Variants in RIMS2 observed in about 807,000 individuals in gnomAD.
RIMS2 encodes the protein regulating synaptic membrane exocytosis 2, also known as regulating synaptic membrane exocytosis protein 2.
RIMS2 carries 59 observed loss-of-function variants against 174.4 expected under a neutral mutation model. The ratio of observed to expected loss-of-function variants is 0.34; its 90% CI spans 0.27 to 0.42. The LOEUF (loss-of-function observed/expected upper bound fraction) is 0.42. Among genes scored for constraint, RIMS2 ranks in the 10% least tolerant of loss-of-function variants. The pLI is 1.00. For missense variants in RIMS2, 1,620 were observed against 1,666.3 expected, an observed-to-expected ratio of 0.97 and a Z score of 0.48; for synonymous variants, 606 against 572.5, an observed-to-expected ratio of 1.06 and a Z score of -0.84.
chr8:103,654,997 G>A (rs1343430514), intron 1 of RIMS2, among the ~76,000 whole-genome samples: 2 of 151,782 alleles, frequency 1.3e-5, no homozygotes, highest in Non-Finnish European at 2.9e-5. Context: ...ATCTAATGAT[G>A]ATGTAGGCTT....
At chr8:103,739,616 A>G (rs897935528) in intron 2 of RIMS2, among the ~76,000 whole-genome samples, 1 of 152,226 alleles carries the variant, frequency 6.6e-6, no homozygotes, top group Admixed American at 6.5e-5. Context: ...ACTGGCTGCA[A>G]CAGACCTGGT....
intron 19 of RIMS2, among the ~76,000 whole-genome samples, chr8:104,230,462 A>C (rs1402763699): frequency 6.6e-6 from 1 of 151,866 alleles, no homozygotes; most frequent in Non-Finnish European, 1.5e-5. Context: ...CATGGGCAAC[A>C]TGGTGAAATC....
chr8:103,624,383 G>C (rs2134850112), intron 1 of RIMS2, among the ~76,000 whole-genome samples: 1 of 152,266 alleles, frequency 6.6e-6, no homozygotes, highest in Admixed American at 6.5e-5. Flanking sequence ...ACTGAGATCT[G>C]TACCATCAGC....
intron 10 of RIMS2, among the ~76,000 whole-genome samples, chr8:103,926,891 G>T (rs1432045807): frequency 1.3e-5 from 2 of 151,462 alleles, no homozygotes; most frequent in Admixed American, 6.6e-5. Context: ...AAAGAAATTT[G>T]ATTTGATTCT....
rs138347216 is a variant in RIMS2 at position 103,852,650 on chromosome 8, A to G, written c.699-32648A>G. On this transcript the variant is annotated intron_variant, in intron 3 of 23. Transcript: ENST00000504942. ...TTAGCCCCCACTTGTAAGTAAGACC[A>G]TATGGTATATGGTTTTCTGTTCCTG... is the stretch of plus-strand genomic sequence containing the variant. Among the ~76,000 whole-genome samples, 1,479 of 152,050 alleles carry G rather than the reference A, an allele frequency of 9.7e-3. 5 individuals are homozygous for G. Among genetic ancestry groups the G allele is most frequent in the Non-Finnish European group, 0.015 (1,000 of 67,928 alleles).
intron 1 of RIMS2, among the ~76,000 whole-genome samples, chr8:103,550,108 A>C (rs534810995): frequency 2.0e-5 from 3 of 152,330 alleles, no homozygotes; most frequent in African/African-American, 7.2e-5. Context: ...AAGCAGACCT[A>C]ATAGACATCT....
intron 19 of RIMS2, among the ~76,000 whole-genome samples, chr8:104,144,288 T>A (rs960225836): frequency 3.9e-5 from 6 of 152,186 alleles, no homozygotes; most frequent in Admixed American, 1.3e-4. Flanking sequence ...AAGCCAAAAA[T>A]TAGAAATATG....
chr8:104,190,796 G>A (rs1355819353), intron 19 of RIMS2, among the ~76,000 whole-genome samples: 1 of 152,000 alleles, frequency 6.6e-6, no homozygotes, highest in Non-Finnish European at 1.5e-5. Context: ...ATAATTTCAA[G>A]CCTTCAAAAA....
At chr8:104,124,169 A>T (rs892119924) in intron 19 of RIMS2, among the ~76,000 whole-genome samples, 16 of 152,266 alleles carry the variant, frequency 1.1e-4, no homozygotes, top group African/African-American at 3.8e-4. Flanking sequence ...GTGTATGGTA[A>T]TCAGAATGAC....
At chr8:103,910,237 TATC>T (rs766891247) in intron 5 of RIMS2, 81 bp from the exon 8 acceptor site, 1 of 1,544,162 alleles carries the variant, frequency 6.5e-7, no homozygotes, top group Admixed American at 1.9e-5. Flanking sequence ...TAATTTTCGT[TATC>T]ATTTCACTTT....
At chr8:103,794,850 G>T (rs1267845430) in intron 3 of RIMS2, among the ~76,000 whole-genome samples, 2 of 152,168 alleles carry the variant, frequency 1.3e-5, no homozygotes, top group African/African-American at 4.8e-5. Flanking sequence ...ATCATCACTG[G>T]CCATCAGAGA....
intron 3 of RIMS2, among the ~76,000 whole-genome samples, chr8:103,799,563 T>A (rs10955328): frequency 2.8e-4 from 42 of 152,178 alleles, no homozygotes; most frequent in African/African-American, 9.4e-4. Flanking sequence ...CAGTCCATAC[T>A]TCTACTTGTA....
intron 3 of RIMS2, among the ~76,000 whole-genome samples, chr8:103,834,746 C>CTTTCTTTCTT (rs1564830911): frequency 7.8e-5 from 6 of 77,244 alleles, no homozygotes; most frequent in Admixed American, 2.4e-4. Flanking sequence ...CTTTCTTTCT[C>CTTTCTTTCTT]TCTCTTTCTT....
chr8:104,153,600 A>G lies in RIMS2; in HGVS notation c.3335-91316A>G, dbSNP rs1337975793. On this transcript the variant is annotated intron_variant, in intron 19 of 23. Transcript: ENST00000504942. The stretch of plus-strand genomic sequence containing the variant: ...AAGTGCATAGATGAATTCAGAGCCC[A>G]GTAGATCAAAGCTAAGGATGTAATT... 2.0e-5 allele frequency among the ~76,000 whole-genome samples: 3 copies of G among 152,146 alleles called. No individual in the cohort carries two copies. In the South Asian group the frequency reaches 6.2e-4, roughly 32 times the overall value.
At chr8:104,103,151 T>A in intron 19 of RIMS2, among the ~76,000 whole-genome samples, 1 of 152,212 alleles carries the variant, frequency 6.6e-6, no homozygotes, top group Middle Eastern at 3.4e-3. Context: ...TATATTGTAT[T>A]ATTTCATTTA....
At chr8:104,248,467 C>T (rs969611514) in intron 20 of RIMS2, among the ~76,000 whole-genome samples, 6 of 152,184 alleles carry the variant, frequency 3.9e-5, no homozygotes, top group African/African-American at 1.4e-4. Flanking sequence ...GAGAAAGACT[C>T]ACCAGCAGAA....
At chr8:103,794,108 A>G (rs903375665) in intron 3 of RIMS2, among the ~76,000 whole-genome samples, 1 of 152,228 alleles carries the variant, frequency 6.6e-6, no homozygotes, top group Non-Finnish European at 1.5e-5. Flanking sequence ...GAACCAAAAA[A>G]GAGCCCACAT....
intron 19 of RIMS2, among the ~76,000 whole-genome samples, chr8:104,067,152 G>T (rs151199349): frequency 6.6e-6 from 1 of 151,832 alleles, no homozygotes; most frequent in East Asian, 1.9e-4. Flanking sequence ...TAATAGGCAC[G>T]CTTACGTCTA....
intron 14 of RIMS2, among the ~76,000 whole-genome samples, chr8:103,959,640 T>A (rs1435032009): frequency 6.6e-6 from 1 of 152,020 alleles, no homozygotes; most frequent in Non-Finnish European, 1.5e-5. Flanking sequence ...CCCAGGCTGG[T>A]CTCGAATGCC....
Sources: gnomAD v4.1 joint callset for allele counts (sites outside exome capture counted in the v4.1 genomes callset) on GRCh38, gnomAD v4.1.1 for gene constraint, MANE v1.5 for transcripts, NCBI Gene and HGNC (gene_info 2026-07-23, HGNC 2026-07-21) for gene names.